DLGAP2: variants seen among roughly 807,000 people sequenced by gnomAD.
DLGAP2 encodes disks large-associated protein 2.
A neutral mutation model predicts 100.3 loss-of-function variants in DLGAP2; 26 were observed. The observed-to-expected ratio is 0.26, with a 90% CI of 0.19 to 0.36. The LOEUF (loss-of-function observed/expected upper bound fraction) is 0.36. DLGAP2 is among the 10% of genes least tolerant of loss of function. DLGAP2 has a pLI of 1.00. For synonymous variants in DLGAP2, 886 were observed against 630.1 expected, an observed-to-expected ratio of 1.41 and a Z score of -6.08; for missense variants, 1,858 against 1,453.2, an observed-to-expected ratio of 1.28 and a Z score of -4.53.
chr8:975,370 G>T (rs1800136128), intron 2 of DLGAP2, among the ~76,000 whole-genome samples: 2 of 152,060 alleles, frequency 1.3e-5, no homozygotes, highest in South Asian at 4.2e-4. Flanking sequence ...AGAAATAGAG[G>T]GAATAAATGC....
chr8:1,377,131 G>C (rs1397475063), intron 3 of DLGAP2, among the ~76,000 whole-genome samples: 2 of 152,224 alleles, frequency 1.3e-5, no homozygotes, highest in African/African-American at 2.4e-5. Flanking sequence ...GCGAGAGGAA[G>C]TCCTCGGGGC....
At chr8:1,130,798 C>T (rs867102306) in intron 2 of DLGAP2, among the ~76,000 whole-genome samples, 2 of 152,154 alleles carry the variant, frequency 1.3e-5, no homozygotes, top group African/African-American at 4.8e-5. Context: ...AGCACGCCCC[C>T]AGCTCTGCAG....
intron 3 of DLGAP2, among the ~76,000 whole-genome samples, chr8:1,420,536 C>T (rs1227086616): frequency 6.6e-6 from 1 of 152,168 alleles, no homozygotes; most frequent in South Asian, 2.1e-4. Context: ...CCTACTAAAG[C>T]ATGTTTAAGC....
chr8:1,647,849 G>T (rs2469679), intron 8 of DLGAP2, among the ~76,000 whole-genome samples: 2 of 152,178 alleles, frequency 1.3e-5, no homozygotes, highest in South Asian at 2.1e-4. Flanking sequence ...AGGGTGTCCA[G>T]TGTGGGCAGC....
chr8:1,319,271 C>T (rs1800840409), intron 3 of DLGAP2, among the ~76,000 whole-genome samples: 1 of 152,204 alleles, frequency 6.6e-6, no homozygotes, highest in African/African-American at 2.4e-5. Flanking sequence ...TTACCACCGC[C>T]TCTGCCACAA....
chr8:1,673,126 G>T (rs1287380229), intron 10 of DLGAP2, among the ~76,000 whole-genome samples: 1 of 152,096 alleles, frequency 6.6e-6, no homozygotes, highest in African/African-American at 2.4e-5. Context: ...TTTAAGAGAT[G>T]AGGGCTTGCT....
rs117144598 is a variant in DLGAP2 at position 812,962 on chromosome 8, G to C, written c.18+75137G>C. 4.5e-3 allele frequency among the ~76,000 whole-genome samples: 690 copies of C among 152,310 alleles called. 1 individual carries two copies. Among genetic ancestry groups the C allele is most frequent in the Non-Finnish European group, 7.4e-3 (502 of 68,030 alleles). On this transcript the variant is annotated intron_variant, in intron 1 of 14. Transcript: ENST00000637795. ...TTAAAACCTTTGGTAGAGAATCTCT[G>C]GTTCTCAAATGAGGAGTGGTTGATG...
chr8:1,557,101 C>T (rs945720138), intron 5 of DLGAP2, among the ~76,000 whole-genome samples: 1 of 152,170 alleles, frequency 6.6e-6, no homozygotes, highest in African/African-American at 2.4e-5. Flanking sequence ...AGCAGCATTT[C>T]TGGGCTCCAC....
At chr8:902,216 A>G (rs1182459115) in intron 1 of DLGAP2, among the ~76,000 whole-genome samples, 3 of 152,150 alleles carry the variant, frequency 2.0e-5, no homozygotes, top group Non-Finnish European at 4.4e-5. Flanking sequence ...ACGTTCATTT[A>G]TTCCTCTCGG....
chr8:1,697,326 C>T (rs758276354), intron 14 of DLGAP2, 27 bp downstream of exon 14: 2 of 1,561,088 alleles, frequency 1.3e-6, no homozygotes, highest in South Asian at 1.2e-5. Context: ...AGGGCCGGCT[C>T]CCAGCAAACC....
chr8:1,049,481 C>A (rs1002691059), intron 2 of DLGAP2, among the ~76,000 whole-genome samples: 1 of 151,994 alleles, frequency 6.6e-6, no homozygotes, highest in South Asian at 2.1e-4. Flanking sequence ...TACAATTTAC[C>A]CTTTTATCCT....
intron 6 of DLGAP2, among the ~76,000 whole-genome samples, chr8:1,571,951 G>C (rs1245076632): frequency 8.5e-5 from 11 of 129,728 alleles, no homozygotes; most frequent in African/African-American, 3.0e-4. Context: ...GGAGAGGAGA[G>C]AGGGTGAACT....
chr8:953,401 C>T (rs911502480), intron 2 of DLGAP2, among the ~76,000 whole-genome samples: 5 of 152,104 alleles, frequency 3.3e-5, no homozygotes, highest in African/African-American at 1.2e-4. Flanking sequence ...GCCATGTTGG[C>T]CAGGCTGGTC....
intron 1 of DLGAP2, among the ~76,000 whole-genome samples, chr8:771,361 G>C (rs772433318): frequency 9.9e-5 from 15 of 152,210 alleles, no homozygotes; most frequent in Non-Finnish European, 2.9e-5. Flanking sequence ...GTTTCATAGA[G>C]TTATTAGGTA....
intron 5 of DLGAP2, among the ~76,000 whole-genome samples, chr8:1,552,268 C>T (rs1389001036): frequency 2.6e-5 from 4 of 152,250 alleles, no homozygotes; most frequent in East Asian, 3.8e-4. Context: ...GGAGCAGCCA[C>T]GGCTTTCATG....
At chr8:1,266,001 A>C (rs537922605) in intron 3 of DLGAP2, among the ~76,000 whole-genome samples, 16 of 152,350 alleles carry the variant, frequency 1.1e-4, no homozygotes, top group African/African-American at 3.6e-4. Flanking sequence ...TAATAGATTC[A>C]AGATATGCAA....
At chr8:806,044 A>G (rs1055835657) in intron 1 of DLGAP2, among the ~76,000 whole-genome samples, 4 of 152,232 alleles carry the variant, frequency 2.6e-5, no homozygotes, top group Admixed American at 2.6e-4. Context: ...TTCCTTTTAC[A>G]GAGAGTTTTT....
intron 2 of DLGAP2, among the ~76,000 whole-genome samples, chr8:1,164,461 GCT>G (rs1563224662): frequency 1.3e-5 from 2 of 152,104 alleles, no homozygotes; most frequent in African/African-American, 4.8e-5. Flanking sequence ...CGATGGCCTG[GCT>G]CTCACTGGCT....
chr8:1,389,657 C>T (rs1385153208), intron 3 of DLGAP2, among the ~76,000 whole-genome samples: 1 of 152,042 alleles, frequency 6.6e-6, no homozygotes. Context: ...TCAGATTGTG[C>T]AGAATGGATG....
Sources: allele counts gnomAD v4.1 joint callset (sites outside exome capture counted in the v4.1 genomes callset), GRCh38; gene constraint gnomAD v4.1.1; transcripts MANE v1.5; gene names NCBI Gene and HGNC (gene_info 2026-07-23, HGNC 2026-07-21).